PTPRN2: variants seen among roughly 807,000 people sequenced by gnomAD.
PTPRN2 encodes the protein protein tyrosine phosphatase receptor type N2, also known as receptor-type tyrosine-protein phosphatase N2.
In PTPRN2, 74 loss-of-function variants were observed where a neutral mutation model predicts 118.8. The observed-to-expected ratio is 0.62, with a 90% CI of 0.52 to 0.76. The LOEUF (loss-of-function observed/expected upper bound fraction) is 0.76. Ranked by LOEUF, PTPRN2 falls within the 30% of genes least tolerant of loss-of-function variation. The probability of loss-of-function intolerance (pLI) is 0.00; values close to 1 mark genes in which losing one functional copy is unlikely to be tolerated. For synonymous variants in PTPRN2, 641 were observed against 608.0 expected (o/e 1.05, Z -0.80); for missense variants, 1,481 against 1,394.4 (o/e 1.06, Z -0.99).
At chr7:157,588,713 G>A (rs561780910) in intron 17 of PTPRN2, among the ~76,000 whole-genome samples, 1 of 152,194 alleles carries the variant, frequency 6.6e-6, no homozygotes, top group African/African-American at 2.4e-5. Flanking sequence ...TGGAAATGCC[G>A]AGGTCACTGC....
chr7:158,005,606 T>C (rs1312810096), intron 11 of PTPRN2, among the ~76,000 whole-genome samples: 1 of 152,174 alleles, frequency 6.6e-6, no homozygotes, highest in Non-Finnish European at 1.5e-5. Flanking sequence ...CTGTCCACGT[T>C]GTCTTAGAGA....
intron 11 of PTPRN2, among the ~76,000 whole-genome samples, chr7:158,057,906 C>T (rs73748008): frequency 0.04 from 6,045 of 152,280 alleles, 203 homozygotes; most frequent in African/African-American, 0.095. Context: ...TCTACGAATA[C>T]GACATTATCT....
At chr7:157,688,025 T>A (rs1585240214) in intron 12 of PTPRN2, among the ~76,000 whole-genome samples, 1 of 152,348 alleles carries the variant, frequency 6.6e-6, no homozygotes, top group Admixed American at 6.5e-5. Context: ...AAGCCCTTTG[T>A]GCAACTGAAA....
At chr7:158,113,124 G>A (rs1245966041) in intron 9 of PTPRN2, among the ~76,000 whole-genome samples, 5 of 152,106 alleles carry the variant, frequency 3.3e-5, no homozygotes, top group Non-Finnish European at 7.4e-5. Flanking sequence ...GGCAAGCAGC[G>A]AGCTGGCAAG....
At chr7:157,955,974 C>T (rs1255496491) in intron 11 of PTPRN2, among the ~76,000 whole-genome samples, 2 of 152,180 alleles carry the variant, frequency 1.3e-5, no homozygotes, top group African/African-American at 2.4e-5. Flanking sequence ...GGGAGAAACC[C>T]GCACATTCTG....
At chr7:158,004,644 A>G (rs993703524) in intron 11 of PTPRN2, among the ~76,000 whole-genome samples, 2 of 152,216 alleles carry the variant, frequency 1.3e-5, no homozygotes, top group Non-Finnish European at 2.9e-5. Flanking sequence ...TATGGAAAAT[A>G]TTGATCCCAC....
At chr7:158,556,027 A>G (rs1445165517) in intron 1 of PTPRN2, among the ~76,000 whole-genome samples, 1 of 152,248 alleles carries the variant, frequency 6.6e-6, no homozygotes, top group Non-Finnish European at 1.5e-5. Flanking sequence ...TGTCATAGAT[A>G]GATAGATAGA....
At chr7:157,545,284 C>A (rs1798249568) in intron 22 of PTPRN2, among the ~76,000 whole-genome samples, 1 of 138,464 alleles carries the variant, frequency 7.2e-6, no homozygotes, top group African/African-American at 2.8e-5. Flanking sequence ...GAGCAGTGTG[C>A]ACGGCTGTAT....
chr7:158,305,329 G>GA (rs531647752), intron 3 of PTPRN2, among the ~76,000 whole-genome samples: 6 of 151,994 alleles, frequency 3.9e-5, no homozygotes, highest in Non-Finnish European at 8.8e-5. Flanking sequence ...AAGGACAACA[G>GA]AAAAAATAGG....
intron 11 of PTPRN2, among the ~76,000 whole-genome samples, chr7:157,909,409 C>CTCAACA (rs2128759786): frequency 6.6e-6 from 1 of 152,302 alleles, no homozygotes; most frequent in Admixed American, 6.5e-5. Flanking sequence ...ATGCTGGCCA[C>CTCAACA]TCAACACACA....
intron 3 of PTPRN2, among the ~76,000 whole-genome samples, chr7:158,310,127 A>C (rs529593247): frequency 6.6e-6 from 1 of 152,338 alleles, no homozygotes; most frequent in Admixed American, 6.5e-5. Context: ...CAACTCGAAC[A>C]AGAGAAAAAT....
rs866983016 is a variant in PTPRN2, at chr7:157,615,541, C to G, written c.2344+5821G>C. 2.1e-6 allele frequency: 1 copy of G among 471,196 alleles called. No homozygotes were observed. The highest frequency in any genetic ancestry group is 4.4e-6 in the Non-Finnish European group (1 of 227,064). The allele number at this position is 471,196 out of a possible 1,614,324, so 29.2% of individuals were successfully genotyped here. ...GGGTGACCCCATCGCAAGGCCGGGCCGTGGAAACAATCTCAGCCCTGGAAC... is the reference window on the plus strand; with the variant it reads ...GGGTGACCCCATCGCAAGGCCGGGCGGTGGAAACAATCTCAGCCCTGGAAC... On this transcript the variant is annotated intron_variant, in intron 15 of 22. Transcript: ENST00000389418. This position sits in a 1 kb window ranked among gnomAD's most constrained non-coding sequence, Gnocchi z 4.3.
Position 158,138,469 on chromosome 7 carries a change from A to C in PTPRN2, c.957T>G (p.Ala319=), listed in dbSNP as rs760703061. The change falls in exon 7 of 23, where the codon GCT becomes GCG. Residue 319 remains alanine (A), a synonymous_variant. Transcript: ENST00000389418. ...CCAGGCCACTCAGGCCCCTCACCTC[A>C]GCCGGCTGCCTCTGCAGGTCCTTCA... ...TLLKDLQRQP[A]EVRGLSGLEL... The C allele has an allele frequency of 1.2e-6, 2 of 1,612,818 alleles. No individual in the cohort carries two copies. The highest frequency in any genetic ancestry group is 1.7e-6 in the Non-Finnish European group (2 of 1,179,900).
At chr7:157,867,674 A>T (rs1357581781) in intron 12 of PTPRN2, among the ~76,000 whole-genome samples, 1 of 152,246 alleles carries the variant, frequency 6.6e-6, no homozygotes, top group Non-Finnish European at 1.5e-5. Context: ...AGTGAACTAG[A>T]TTCACGTAAA....
intron 11 of PTPRN2, among the ~76,000 whole-genome samples, chr7:157,938,504 C>A (rs1799855914): frequency 6.6e-6 from 1 of 152,208 alleles, no homozygotes; most frequent in Non-Finnish European, 1.5e-5. Context: ...ACTGCCCACC[C>A]TCTGCAGATG....
intron 6 of PTPRN2, among the ~76,000 whole-genome samples, chr7:158,146,146 A>C (rs1819961454): frequency 6.6e-6 from 1 of 152,312 alleles, no homozygotes; most frequent in African/African-American, 2.4e-5. Context: ...TCCTCAGGTG[A>C]GAAGTGAGGA....
chr7:158,312,009 GCA>G (rs1246798076), intron 3 of PTPRN2, among the ~76,000 whole-genome samples: 1 of 145,464 alleles, frequency 6.9e-6, no homozygotes, highest in Admixed American at 6.8e-5. Context: ...ACACACACCT[GCA>G]CATTCACATG....
Position 158,098,786 on chromosome 7 carries a change from G to A in PTPRN2, c.1643+12043C>T, listed in dbSNP as rs116854212. 6.0e-3 allele frequency among the ~76,000 whole-genome samples: 914 copies of A among 152,186 alleles called. 3 individuals carry two copies. Among genetic ancestry groups the A allele is most frequent in the Non-Finnish European group, 0.01 (699 of 67,982 alleles). ...AGGAGTGGGAGACATGAAGCAAAGC[G>A]TGACCACCGAGGAGCTGGGGAGAAA... On this transcript the variant is annotated intron_variant, in intron 10 of 22. Coordinates refer to ENST00000389418, the MANE Select transcript of PTPRN2 (RefSeq NM_002847.5).
chr7:157,707,828 G>A (rs961828570), intron 12 of PTPRN2, among the ~76,000 whole-genome samples: 1 of 152,206 alleles, frequency 6.6e-6, no homozygotes, highest in Non-Finnish European at 1.5e-5. Context: ...TTGACCTTGT[G>A]ATCCACTCGC....
Sources: allele counts gnomAD v4.1 joint callset (sites outside exome capture counted in the v4.1 genomes callset), GRCh38; gene constraint gnomAD v4.1.1; non-coding constraint Gnocchi (gnomAD v3.1); transcripts MANE v1.5; gene names NCBI Gene and HGNC (gene_info 2026-07-23, HGNC 2026-07-21).